The following RPSA variants were observed in gnomAD, a reference collection of about 807,000 sequenced individuals.
RPSA encodes small ribosomal subunit protein uS2.
For missense variants in RPSA, 140 were observed against 372.8 expected (o/e 0.38, Z 5.14); for synonymous variants, 103 against 126.7 (o/e 0.81, Z 1.25).
chr3:39,409,163 C>T (rs1205247622), intron 3 of RPSA, among the ~76,000 whole-genome samples: 1 of 143,302 alleles, frequency 7.0e-6, no homozygotes, highest in Admixed American at 7.2e-5. Context: ...ATAGAAATCG[C>T]CCTTATGACC....
Position 39,411,728 on chromosome 3 carries a change from A to T in RPSA, c.578A>T (p.His193Leu). ...LRMRGTISREHPWEVMPDLYF... is the reference protein window; with the variant it reads ...LRMRGTISRELPWEVMPDLYF... ...ATGCGTGGCACCATTTCCCGTGAACACCCATGGGAGGTCATGCCTGATCTG... is the reference window on the plus strand; with the variant it reads ...ATGCGTGGCACCATTTCCCGTGAACTCCCATGGGAGGTCATGCCTGATCTG... The change falls in exon 5 of 7, where the codon CAC becomes CTC. Residue 193 changes from histidine (H) to leucine (L), a missense_variant. His to Leu is a moderately conservative substitution (Grantham distance 99). Coordinates refer to ENST00000301821, the MANE Select transcript of RPSA (RefSeq NM_002295.6). 6.2e-7 allele frequency: 1 copy of T among 1,600,140 alleles called. No individual in the cohort carries two copies. Among genetic ancestry groups the T allele is most frequent in the Non-Finnish European group, 8.5e-7 (1 of 1,179,666 alleles).
chr3:39,407,024 G>T (rs1439139394), intron 1 of RPSA: 1 of 454,652 alleles, frequency 2.2e-6, no homozygotes, highest in East Asian at 7.0e-5. Flanking sequence ...CGGGTGGGCG[G>T]GAGTGCAGAA....
At position 39,408,679 on chromosome 3, in the gene RPSA, A is replaced by G; in HGVS notation, c.207A>G (p.Glu69=). The G allele has an allele frequency of 6.2e-7, 1 of 1,613,102 alleles. No homozygotes were observed. Among genetic ancestry groups the G allele is most frequent in the Middle Eastern group, 1.7e-4 (1 of 6,058 alleles). ...CAGCTCGTGCAATTGTTGCCATTGA[A>G]AACCCTGCTGATGTCAGTGTTATAT... The part of the protein sequence containing the change: ...LLAARAIVAI[E]NPADVSVISS... The change falls in exon 3 of 7, where the codon GAA becomes GAG. Residue 69 remains glutamate, a synonymous_variant. Coordinates refer to ENST00000301821, the MANE Select transcript of RPSA (RefSeq NM_002295.6).
chr3:39,409,084 CAAAAA>C (rs752029969), intron 3 of RPSA: 39 of 78,474 alleles, frequency 5.0e-4, no homozygotes, highest in African/African-American at 1.6e-3. Flanking sequence ...GACTCTGTCT[CAAAAA>C]AAAAAAAAAA....
At chr3:39,411,426 A>AT (rs2042004014) in intron 4 of RPSA, 5 of 576,048 alleles carry the variant, frequency 8.7e-6, no homozygotes, top group Non-Finnish European at 1.5e-5. Flanking sequence ...TTGCCCAGAT[A>AT]TTTTTTTTAA....
chr3:39,411,331 T>C (rs911919763), intron 4 of RPSA: 5 of 606,032 alleles, frequency 8.3e-6, no homozygotes, highest in African/African-American at 3.6e-5. Flanking sequence ...CACACCAACT[T>C]GATGGGTTCT....
At chr3:39,407,897 C>G (rs2041942214) in intron 2 of RPSA, 111 bp downstream of exon 2, 3 of 756,184 alleles carry the variant, frequency 4.0e-6, no homozygotes, top group South Asian at 1.7e-5. Flanking sequence ...TAAATGAAGC[C>G]AGACCCCTAC....
At chr3:39,409,195 T>C (rs1208072009) in intron 3 of RPSA, among the ~76,000 whole-genome samples, 2 of 129,214 alleles carry the variant, frequency 1.5e-5, no homozygotes, top group African/African-American at 2.6e-5. Context: ...TTTTTTTTTT[T>C]TTTTTTTTTT....
At chr3:39,407,455 C>G in intron 1 of RPSA, 166 bp from the exon 2 acceptor site, 1 of 661,468 alleles carries the variant, frequency 1.5e-6, no homozygotes, top group Non-Finnish European at 2.8e-6. Flanking sequence ...AAGATGTGCG[C>G]TGTTCCGTAA....
At chr3:39,408,891 G>A (rs2041960459) in intron 3 of RPSA, 167 bp downstream of exon 3, 1 of 594,724 alleles carries the variant, frequency 1.7e-6, no homozygotes, top group Non-Finnish European at 3.0e-6. Flanking sequence ...GAGGTCAGGA[G>A]ATCCACACCA....
Position 39,412,519 on chromosome 3 carries a change from C to G in RPSA, c.*151C>G. ...TCAAAGCATAATAATAAATACATGTCTCGACATGAGTTGTACTTCTAAAGC... is the reference window on the plus strand; with the variant it reads ...TCAAAGCATAATAATAAATACATGTGTCGACATGAGTTGTACTTCTAAAGC... On this transcript the variant is annotated 3_prime_UTR_variant, in exon 7 of 7. Transcript: ENST00000301821. 1.7e-6 allele frequency: 1 copy of G among 604,594 alleles called. No individual in the cohort carries two copies. The highest frequency in any genetic ancestry group is 1.8e-5 in the African/African-American group (1 of 54,114). The allele number at this position is 604,594 out of a possible 1,614,324, so 37.5% of individuals were successfully genotyped here.
Position 39,411,006 on chromosome 3 carries a change from A to AT in RPSA, c.498+11dup. On this transcript the variant is annotated splice_region_variant and intron_variant, in intron 4 of 6. Coordinates refer to ENST00000301821, the MANE Select transcript of RPSA (RefSeq NM_002295.6). Reference sequence around the variant, plus strand: ...CATCCCATGCAACAACAAGGTAATGATTTTAGGATCTAGAGTTTGTGAATG... The same window carrying AT: ...CATCCCATGCAACAACAAGGTAATGATTTTTAGGATCTAGAGTTTGTGAATG... 2.5e-6 allele frequency: 4 copies of AT among 1,599,670 alleles called. No homozygotes were observed. Among genetic ancestry groups the AT allele is most frequent in the Non-Finnish European group, 3.4e-6 (4 of 1,179,916 alleles).
At chr3:39,407,127 G>A (rs967456208) in intron 1 of RPSA, 8 of 391,542 alleles carry the variant, frequency 2.0e-5, no homozygotes, top group South Asian at 1.1e-4. Flanking sequence ...TACTTGGGCT[G>A]GTCGGGTTTT....
chr3:39,412,213 G>T, intron 6 of RPSA, 61 bp from the exon 7 acceptor site: 1 of 1,416,464 alleles, frequency 7.1e-7, no homozygotes, highest in African/African-American at 1.4e-5. Flanking sequence ...TGGGAGTGGG[G>T]TAAGGAAAAA....
At chr3:39,408,486 AC>A (rs2041954229) in intron 2 of RPSA, 119 bp from the exon 3 acceptor site, 4 of 786,420 alleles carry the variant, frequency 5.1e-6, no homozygotes, top group Non-Finnish European at 9.4e-6. Flanking sequence ...TTTCGCTAAC[AC>A]CAGTAGAGCT....
chr3:39,410,319 A>C (rs952835242), intron 3 of RPSA: 2 of 179,764 alleles, frequency 1.1e-5, no homozygotes, highest in Non-Finnish European at 2.4e-5. Flanking sequence ...CAGATTTAAA[A>C]ATTATGTAGT....
intron 3 of RPSA, among the ~76,000 whole-genome samples, chr3:39,409,897 G>A (rs901690323): frequency 1.1e-4 from 17 of 152,162 alleles, no homozygotes; most frequent in Non-Finnish European, 2.4e-4. Context: ...TGAGGCTGAG[G>A]CTGGTGGCTT....
At chr3:39,409,169 T>C (rs1352526316) in intron 3 of RPSA, among the ~76,000 whole-genome samples, 1 of 144,296 alleles carries the variant, frequency 6.9e-6, no homozygotes, top group Middle Eastern at 3.3e-3. Flanking sequence ...ATCGCCCTTA[T>C]GACCTATGAC....
chr3:39,407,061 C>T (rs768909387), intron 1 of RPSA: 15 of 453,866 alleles, frequency 3.3e-5, no homozygotes, highest in Middle Eastern at 3.2e-4. Flanking sequence ...GTGTTGCTAT[C>T]CCTTCGGAGT....
Sources: allele counts gnomAD v4.1 joint callset (sites outside exome capture counted in the v4.1 genomes callset), GRCh38; gene constraint gnomAD v4.1.1; transcripts MANE v1.5; gene names NCBI Gene and HGNC (gene_info 2026-07-23, HGNC 2026-07-21).